The following SS18 variants were observed in gnomAD, a reference collection of about 807,000 sequenced individuals.
The protein encoded by SS18 is protein SSXT.
A neutral mutation model predicts 72.5 loss-of-function variants in SS18; 28 were observed. That is an observed-to-expected ratio of 0.39 (90% CI 0.29 to 0.53). SS18 has a LOEUF of 0.53. Among genes scored for constraint, SS18 ranks in the 20% least tolerant of loss-of-function variants. The pLI, the probability that SS18 is intolerant of heterozygous loss-of-function variation, is 0.76. For missense variants in SS18, 518 were observed against 535.3 expected (o/e 0.97, Z 0.32); for synonymous variants, 172 against 164.2 (o/e 1.05, Z -0.37).
intron 4 of SS18, among the ~76,000 whole-genome samples, chr18:26,057,060 C>A (rs984602358): frequency 1.8e-4 from 28 of 152,136 alleles, no homozygotes; most frequent in African/African-American, 6.7e-4. Flanking sequence ...AAAATCAATT[C>A]CAATATTTAT....
chr18:26,036,042 A>G (rs1029411713), intron 7 of SS18, 119 bp from the exon 8 acceptor site: 1 of 727,740 alleles, frequency 1.4e-6, no homozygotes, highest in Non-Finnish European at 2.3e-6. Flanking sequence ...AACATAAAAA[A>G]TAATTTCAAT....
At chr18:26,020,334 GGA>G (rs1433111254) in intron 10 of SS18, among the ~76,000 whole-genome samples, 1 of 152,100 alleles carries the variant, frequency 6.6e-6, no homozygotes, top group Non-Finnish European at 1.5e-5. Context: ...TGCTTAAATA[GGA>G]GAGGACATGA....
intron 4 of SS18, among the ~76,000 whole-genome samples, 195 bp downstream of exon 4, chr18:26,057,394 A>T (rs1294756365): frequency 6.6e-6 from 1 of 152,214 alleles, no homozygotes; most frequent in Non-Finnish European, 1.5e-5. Flanking sequence ...TGTCAGCTAC[A>T]TCAAAGCCCA....
At position 26,017,160 on chromosome 18, in the gene SS18, T is replaced by A. The variant is rs1301943496; in HGVS notation, c.*1194A>T. ...AATATGCCATGCTAATAAACAAGGT[T>A]ATCTAGAATGCAACCTCGGTGCTTT... On this transcript the variant is annotated 3_prime_UTR_variant, in exon 11 of 11. Transcript: ENST00000415083. 2.9e-5 allele frequency: 6 copies of A among 210,178 alleles called. No homozygotes were observed. Among genetic ancestry groups the A allele is most frequent in the East Asian group, 1.4e-4 (2 of 13,836 alleles). 13.0% of individuals were successfully genotyped at this position (210,178 alleles called of 1,614,324 possible).
intron 1 of SS18, among the ~76,000 whole-genome samples, chr18:26,089,309 G>A (rs2054672408): frequency 6.6e-6 from 1 of 152,204 alleles, no homozygotes; most frequent in Non-Finnish European, 1.5e-5. Flanking sequence ...GTGCGTACTT[G>A]GAGCTGTTTG....
At chr18:26,023,642 G>A (rs1442113827) in intron 10 of SS18, 3 of 528,928 alleles carry the variant, frequency 5.7e-6, no homozygotes, top group Non-Finnish European at 1.1e-5. Context: ...TCTATACCCA[G>A]AGAAAATATC....
intron 10 of SS18, among the ~76,000 whole-genome samples, chr18:26,025,880 TC>T (rs912752472): frequency 2.6e-5 from 4 of 151,642 alleles, no homozygotes; most frequent in Non-Finnish European, 5.9e-5. Context: ...AAAAACAGAT[TC>T]CAAAATTTGT....
intron 6 of SS18, 50 bp from the exon 7 acceptor site, chr18:26,038,709 T>C (rs1384588159): frequency 7.1e-7 from 1 of 1,415,084 alleles, no homozygotes; most frequent in Non-Finnish European, 9.9e-7. Flanking sequence ...CTCTATGTCA[T>C]CAAAGGCTTT....
chr18:26,061,870 T>C (rs1246915043), intron 3 of SS18, among the ~76,000 whole-genome samples: 2 of 152,130 alleles, frequency 1.3e-5, no homozygotes, highest in Non-Finnish European at 2.9e-5. Flanking sequence ...GAAAAGTATA[T>C]GTGGATAAAT....
intron 9 of SS18, among the ~76,000 whole-genome samples, chr18:26,034,678 G>C (rs925502859): frequency 6.6e-6 from 1 of 151,662 alleles, no homozygotes; most frequent in African/African-American, 2.4e-5. Flanking sequence ...ATATACATAT[G>C]GTCAATAATT....
At chr18:26,043,694 G>C (rs2053769544) in intron 5 of SS18, among the ~76,000 whole-genome samples, 1 of 152,066 alleles carries the variant, frequency 6.6e-6, no homozygotes, top group Non-Finnish European at 1.5e-5. Context: ...CAATATCAAG[G>C]ATAAAAGAAC....
chr18:26,041,348 C>T (rs1413861718), intron 5 of SS18, among the ~76,000 whole-genome samples: 5 of 152,064 alleles, frequency 3.3e-5, no homozygotes, highest in East Asian at 1.9e-4. Flanking sequence ...CACTTGAACC[C>T]GGGAGGCAGA....
chr18:26,039,530 C>A lies in SS18; in HGVS notation c.608-74G>T, dbSNP rs1451828656. On this transcript the variant is annotated intron_variant, in intron 5 of 10. Transcript: ENST00000415083. ...AACATCTCAAGAGAAATAAGATAAT[C>A]TTTTATCATATAGTCCCAAAAATAT... The A allele has an allele frequency of 5.1e-6, 7 of 1,376,610 alleles. No individual in the cohort carries two copies. In the Admixed American group the frequency reaches 1.4e-4, roughly 27 times the overall value. 85.3% of individuals were successfully genotyped at this position (1,376,610 alleles called of 1,614,324 possible).
chr18:26,072,166 T>C (rs1273582786), intron 3 of SS18, among the ~76,000 whole-genome samples: 1 of 151,852 alleles, frequency 6.6e-6, no homozygotes, highest in Non-Finnish European at 1.5e-5. Context: ...GGAACAGAAA[T>C]GAAGTATTTT....
intron 10 of SS18, among the ~76,000 whole-genome samples, chr18:26,022,074 A>C (rs932531809): frequency 3.3e-5 from 5 of 152,180 alleles, no homozygotes; most frequent in African/African-American, 7.2e-5. Context: ...TCTTTCCTTC[A>C]TTCTATTTAC....
chr18:26,090,942 C>A (rs562454725), upstream of SS18: 2 of 316,682 alleles, frequency 6.3e-6, no homozygotes, highest in South Asian at 4.1e-5. Context: ...TGGGGCAGCC[C>A]CTGTCACAGG....
chr18:26,058,980 T>G (rs1158578983), intron 3 of SS18, among the ~76,000 whole-genome samples: 1 of 152,230 alleles, frequency 6.6e-6, no homozygotes, highest in Admixed American at 6.5e-5. Context: ...CCTGGCTACC[T>G]TAACCCTCTT....
intron 4 of SS18, among the ~76,000 whole-genome samples, chr18:26,053,527 AAAT>A (rs142533016): frequency 0.052 from 7,848 of 151,978 alleles, 400 homozygotes; most frequent in East Asian, 0.15. Flanking sequence ...ACTCAAAATT[AAAT>A]AATAAAAAGG....
At chr18:26,039,904 G>C (rs1056991024) in intron 5 of SS18, among the ~76,000 whole-genome samples, 1 of 152,132 alleles carries the variant, frequency 6.6e-6, no homozygotes, top group African/African-American at 2.4e-5. Context: ...CAAATCTCTA[G>C]ATTTTTACTT....
Sources: gnomAD v4.1 joint callset for allele counts (sites outside exome capture counted in the v4.1 genomes callset) on GRCh38, gnomAD v4.1.1 for gene constraint, MANE v1.5 for transcripts, NCBI Gene and HGNC (gene_info 2026-07-23, HGNC 2026-07-21) for gene names.